METTL2B: variants seen among roughly 807,000 people sequenced by gnomAD.
METTL2B encodes tRNA N(3)-cytidine methyltransferase METTL2B.
A neutral mutation model predicts 51.0 loss-of-function variants in METTL2B; 28 were observed. The observed-to-expected ratio is 0.55, with a 90% CI of 0.41 to 0.75. The LOEUF is 0.75. METTL2B is among the 30% of genes least tolerant of loss of function. The pLI, the probability that METTL2B is intolerant of heterozygous loss-of-function variation, is 0.00. For synonymous variants in METTL2B, 128 were observed against 166.3 expected, an observed-to-expected ratio of 0.77 and a Z score of 1.77; for missense variants, 313 against 460.7, an observed-to-expected ratio of 0.68 and a Z score of 2.93.
Position 128,477,189 on chromosome 7 carries a change from C to G in METTL2B, c.202+16C>G. ...GAGAAACAAGGTGCGCTTAAATGGG[C>G]TCTCGTTGGTATCAACAGCCAGCGT... On this transcript the variant is annotated intron_variant, in intron 2 of 8. Transcript: ENST00000262432. 6 of 1,613,762 alleles carry G rather than the reference C, an allele frequency of 3.7e-6. No individual in the cohort carries two copies. Among genetic ancestry groups the G allele is most frequent in the Non-Finnish European group, 5.1e-6 (6 of 1,179,820 alleles).
rs200721223 is a variant in METTL2B, at chr7:128,504,770, GA to G, written c.*2855del. ...GGATCATTTGAGGTCAGGAGTTCGAGACCAGCCTGGCCAACTTAATGAAACC... is the reference window on the plus strand; with the variant it reads ...GGATCATTTGAGGTCAGGAGTTCGAGCCAGCCTGGCCAACTTAATGAAACC... On this transcript the variant is annotated 3_prime_UTR_variant, in exon 9 of 9. Transcript: ENST00000262432. The G allele has an allele frequency of 0.12, 17,495 of 151,574 alleles. 1,128 individuals carry two copies. The highest frequency in any genetic ancestry group is 0.14 in the Non-Finnish European group (9,455 of 67,882). The allele number at this position is 151,574 out of a possible 1,614,324, so 9.4% of individuals were successfully genotyped here. A position where few individuals can be genotyped will look rare whatever the true frequency, so the allele number is the denominator to read the frequency against.
At chr7:128,489,303 G>A (rs1368690915) in intron 5 of METTL2B, among the ~76,000 whole-genome samples, 2 of 151,712 alleles carry the variant, frequency 1.3e-5, no homozygotes, top group African/African-American at 2.4e-5. Context: ...AGGCATGGTG[G>A]TGGGCACCTG....
intron 5 of METTL2B, chr7:128,488,446 T>C (rs565937522): frequency 1.0e-5 from 6 of 586,804 alleles, no homozygotes; most frequent in Admixed American, 4.3e-5. Context: ...AGTGTCTGTG[T>C]GTCATGCTTT....
In METTL2B at chr7:128,506,535, T is replaced by C. The variant is rs576272397; in HGVS notation, c.*4619T>C. 6.6e-6 allele frequency: 1 copy of C among 152,318 alleles called. No homozygotes were observed. Among genetic ancestry groups the C allele is most frequent in the East Asian group, 1.9e-4 (1 of 5,188 alleles). The allele number at this position is 152,318 out of a possible 1,614,324, so 9.4% of individuals were successfully genotyped here. A position where few individuals can be genotyped will look rare whatever the true frequency, so the allele number is the denominator to read the frequency against. Reference sequence around the variant, plus strand: ...TAATGATGGGCAGAGGACTGTTACATGTGTTGGGAGGGATTAAAGTATATG... The same window carrying C: ...TAATGATGGGCAGAGGACTGTTACACGTGTTGGGAGGGATTAAAGTATATG... On this transcript the variant is annotated 3_prime_UTR_variant, in exon 9 of 9. Transcript: ENST00000262432.
At position 128,504,734 on chromosome 7, in the gene METTL2B, CCGAGGTGGGCGGATCATT is replaced by C; in HGVS notation, c.*2819_*2836del. 1 of 150,820 alleles carries C rather than the reference CCGAGGTGGGCGGATCATT, an allele frequency of 6.6e-6. No individual in the cohort carries two copies. Among genetic ancestry groups the C allele is most frequent in the African/African-American group, 2.4e-5 (1 of 41,130 alleles). 9.3% of individuals were successfully genotyped at this position (150,820 alleles called of 1,614,324 possible). A position where few individuals can be genotyped will look rare whatever the true frequency, so the allele number is the denominator to read the frequency against. On this transcript the variant is annotated 3_prime_UTR_variant, in exon 9 of 9. Coordinates refer to ENST00000262432, the MANE Select transcript of METTL2B (RefSeq NM_018396.3). ...CCTGTAATCCCAGCACTTTGGGAGGCCGAGGTGGGCGGATCATTTGAGGTCAGGAGTTCGAGACCAGCC... is the reference window on the plus strand; with the variant it reads ...CCTGTAATCCCAGCACTTTGGGAGGCTGAGGTCAGGAGTTCGAGACCAGCC...
At chr7:128,490,700 T>G (rs1049597626) in intron 5 of METTL2B, among the ~76,000 whole-genome samples, 3 of 152,196 alleles carry the variant, frequency 2.0e-5, no homozygotes, top group African/African-American at 7.2e-5. Flanking sequence ...GTTCAGGGGT[T>G]CATGGTGCCT....
rs1584797322 is a variant in METTL2B at position 128,498,144 on chromosome 7, T to A, written c.916+2T>A. On this transcript the variant is annotated splice_donor_variant, in intron 7 of 8. Transcript: ENST00000262432. LOFTEE classifies it high-confidence loss of function. ...TGGCTCAGCTTCGGTTTAAAAAAGG[T>A]ATTTTGAGAGTGCTGAATCCTAACC... is the stretch of plus-strand genomic sequence containing the variant. The A allele has an allele frequency of 6.2e-7, 1 of 1,612,952 alleles. No individual in the cohort carries two copies. Among genetic ancestry groups the A allele is most frequent in the Non-Finnish European group, 8.5e-7 (1 of 1,179,488 alleles).
At chr7:128,494,625 C>CAATTT (rs1554429768) in intron 6 of METTL2B, among the ~76,000 whole-genome samples, 2 of 152,016 alleles carry the variant, frequency 1.3e-5, no homozygotes, top group Non-Finnish European at 2.9e-5. Context: ...ATTGGCCTTT[C>CAATTT]ATTTTATTTT....
intron 4 of METTL2B, among the ~76,000 whole-genome samples, chr7:128,484,579 G>C (rs887800073): frequency 6.6e-6 from 1 of 151,668 alleles, no homozygotes; most frequent in African/African-American, 2.4e-5. Flanking sequence ...TTTTTGTTTG[G>C]TTGGTTTTTT....
At position 128,501,811 on chromosome 7, in the gene METTL2B, T is replaced by C. The variant is rs1053124; in HGVS notation, c.1032T>C (p.Asn344=). The part of the protein sequence containing the change: ...FTTAGLEKVQ[N]LVDRRLQVNR... ...CTGCTGGACTGGAAAAAGTTCAGAA[T>C]CTGGTGGACCGCCGACTGCAGGTGA... Residue 344 remains asparagine, a synonymous_variant, in exon 9 of 9, where the codon AAT becomes AAC. Transcript: ENST00000262432. The C allele has an allele frequency of 0.8, 1,287,029 of 1,613,978 alleles. 514,975 individuals are homozygous for C. Among genetic ancestry groups the C allele is most frequent in the South Asian group, 0.88 (80,059 of 91,084 alleles).
At chr7:128,492,333 T>C (rs1792848597) in intron 5 of METTL2B, among the ~76,000 whole-genome samples, 1 of 151,964 alleles carries the variant, frequency 6.6e-6, no homozygotes, top group Admixed American at 6.6e-5. Context: ...ATTTTTTGTA[T>C]TTTTAGTAGA....
chr7:128,482,470 A>G (rs1409126805), intron 4 of METTL2B, among the ~76,000 whole-genome samples: 21 of 151,990 alleles, frequency 1.4e-4, no homozygotes, highest in Admixed American at 1.4e-3. Flanking sequence ...GGAAATTCTT[A>G]AGGTTTTTGG....
Position 128,476,887 on chromosome 7 carries a change from G to A in METTL2B, c.110+12G>A. Reference sequence around the variant, plus strand: ...CACCACAATGCCTGGTAATCACCCTGCCCCCTCGCCCGGCCTGTCGCTGGC... The same window carrying A: ...CACCACAATGCCTGGTAATCACCCTACCCCCTCGCCCGGCCTGTCGCTGGC... On this transcript the variant is annotated intron_variant, in intron 1 of 8. Transcript: ENST00000262432. 6.2e-7 allele frequency: 1 copy of A among 1,613,626 alleles called. No individual in the cohort carries two copies. The highest frequency in any genetic ancestry group is 8.5e-7 in the Non-Finnish European group (1 of 1,179,790).
intron 5 of METTL2B, 108 bp from the exon 6 acceptor site, chr7:128,493,696 C>G: frequency 2.8e-6 from 4 of 1,453,644 alleles, no homozygotes; most frequent in Non-Finnish European, 3.7e-6. Flanking sequence ...AAATAGATCC[C>G]TCTTCGTGAA....
intron 4 of METTL2B, chr7:128,484,099 A>T (rs1792638710): frequency 6.6e-6 from 1 of 151,458 alleles, no homozygotes; most frequent in South Asian, 2.1e-4. Flanking sequence ...ACCTCAGGTG[A>T]TCCACCCACC....
At chr7:128,500,557 G>A (rs1276795621) in intron 7 of METTL2B, among the ~76,000 whole-genome samples, 2 of 152,140 alleles carry the variant, frequency 1.3e-5, no homozygotes, top group Admixed American at 1.3e-4. Flanking sequence ...GGGAGTCAGA[G>A]GTTGCAGTGA....
In METTL2B at chr7:128,500,991, C is replaced by T. The variant is rs144151414; in HGVS notation, c.982+23C>T. On this transcript the variant is annotated intron_variant, in intron 8 of 8. Transcript: ENST00000262432. Reference sequence around the variant, plus strand: ...AAGGTATGAAACACTCATCTTTTTACGCTAAAAGTCCCCAGTACCAGATGG... The same window carrying T: ...AAGGTATGAAACACTCATCTTTTTATGCTAAAAGTCCCCAGTACCAGATGG... 2.4e-4 allele frequency: 380 copies of T among 1,613,834 alleles called. 1 individual carries two copies. The African/African-American group carries it at 3.7e-3, about 16-fold the overall frequency.
chr7:128,481,921 T>C (rs1435173083), intron 4 of METTL2B, among the ~76,000 whole-genome samples: 1 of 152,074 alleles, frequency 6.6e-6, no homozygotes, highest in Non-Finnish European at 1.5e-5. Context: ...TGGAATTACA[T>C]GCATAAGTCA....
chr7:128,488,290 T>A (rs1792756545), intron 5 of METTL2B, 129 bp downstream of exon 5: 1 of 1,088,390 alleles, frequency 9.2e-7, no homozygotes, highest in South Asian at 1.3e-5. Flanking sequence ...GTAAAAGATT[T>A]ACTGATAACG....
Sources: allele counts gnomAD v4.1 joint callset (sites outside exome capture counted in the v4.1 genomes callset), GRCh38; gene constraint gnomAD v4.1.1; transcripts MANE v1.5; gene names NCBI Gene and HGNC (gene_info 2026-07-23, HGNC 2026-07-21).